The following LITAF variants were observed in gnomAD, a reference collection of about 807,000 sequenced individuals.
LITAF encodes lipopolysaccharide induced TNF factor.
Under a neutral mutation model 14.5 loss-of-function variants are expected in LITAF, and 9 were observed. The ratio of observed to expected loss-of-function variants is 0.62; its 90% CI spans 0.37 to 1.08. The LOEUF is 1.08. LITAF is among the 50% of genes least tolerant of loss of function. LITAF has a pLI of 0.01. For synonymous variants in LITAF, 98 were observed against 88.2 expected (o/e 1.11, Z -0.62); for missense variants, 206 against 213.4 (o/e 0.97, Z 0.22).
At chr16:11,568,513 G>A (rs896369510) in intron 1 of LITAF, among the ~76,000 whole-genome samples, 7 of 151,984 alleles carry the variant, frequency 4.6e-5, no homozygotes. Context: ...TTCTTCATGG[G>A]TATCAAGCAG....
At chr16:11,612,267 G>A (rs2064986899) in intron 3 of LITAF, among the ~76,000 whole-genome samples, 1 of 152,156 alleles carries the variant, frequency 6.6e-6, no homozygotes, top group South Asian at 2.1e-4. Flanking sequence ...GTCAGACCAG[G>A]TCATTTCCCA....
At chr16:11,561,141 C>T (rs1343278040) in intron 1 of LITAF, 2 of 152,236 alleles carry the variant, frequency 1.3e-5, no homozygotes, top group African/African-American at 2.4e-5. Context: ...CGTATAAAAA[C>T]TTACAAGACC....
At chr16:11,595,990 G>T (rs1450637291) in intron 1 of LITAF, among the ~76,000 whole-genome samples, 1 of 152,084 alleles carries the variant, frequency 6.6e-6, no homozygotes, top group Non-Finnish European at 1.5e-5. Context: ...CTCTGGCCAG[G>T]ACAGGATATC....
intron 1 of LITAF, among the ~76,000 whole-genome samples, chr16:11,561,820 A>AC (rs1249495193): frequency 6.5e-5 from 5 of 76,754 alleles, no homozygotes; most frequent in African/African-American, 1.2e-4. Flanking sequence ...CCTCCTTATC[A>AC]CCCCCCCAAC....
intron 3 of LITAF, among the ~76,000 whole-genome samples, chr16:11,616,895 G>A (rs965345180): frequency 1.4e-5 from 2 of 138,414 alleles, no homozygotes; most frequent in Non-Finnish European, 1.5e-5. Flanking sequence ...CTGGGAAAGA[G>A]AGCAAGACTC....
At chr16:11,598,948 T>C (rs2064910927), upstream of LITAF, among the ~76,000 whole-genome samples, 1 of 145,378 alleles carries the variant, frequency 6.9e-6, no homozygotes, top group Non-Finnish European at 1.5e-5. Flanking sequence ...GCCTCTCAAG[T>C]AGCTGGGATT....
At chr16:11,598,339 C>G (rs141327831) in intron 1 of LITAF, 9 of 150,084 alleles carry the variant, frequency 6.0e-5, no homozygotes, top group African/African-American at 2.2e-4. Flanking sequence ...CACTCTTCTA[C>G]TCGGCTTGCA....
At chr16:11,578,426 G>C (rs1461599359) in intron 1 of LITAF, among the ~76,000 whole-genome samples, 1 of 152,140 alleles carries the variant, frequency 6.6e-6, no homozygotes, top group Non-Finnish European at 1.5e-5. Context: ...AGCTACTCAG[G>C]AGGCTGAGGC....
chr16:11,558,462 C>G lies in LITAF; in HGVS notation c.-5-1727G>C, dbSNP rs562053207. ...GTGGCTCATGCCTGTAATCCCAGTACTTTGGGAGGTTGAGGCAGGAGGATC... is the reference window on the plus strand; with the variant it reads ...GTGGCTCATGCCTGTAATCCCAGTAGTTTGGGAGGTTGAGGCAGGAGGATC... On this transcript the variant is annotated intron_variant, in intron 1 of 3. Coordinates refer to ENST00000622633, the MANE Select transcript of LITAF (RefSeq NM_001136472.2). This position sits in a 1 kb window ranked among gnomAD's most constrained non-coding sequence, Gnocchi z 4.1. Among the ~76,000 whole-genome samples, 1 of 152,270 alleles carries G rather than the reference C, an allele frequency of 6.6e-6. No individual in the cohort carries two copies. The highest frequency in any genetic ancestry group is 2.1e-4 in the South Asian group (1 of 4,824).
At chr16:11,603,827 A>G (rs772559810) in intron 3 of LITAF, among the ~76,000 whole-genome samples, 6 of 145,622 alleles carry the variant, frequency 4.1e-5, no homozygotes, top group Non-Finnish European at 9.0e-5. Context: ...GGCGGATCAC[A>G]AGGTCGGGAG....
Position 11,586,415 on chromosome 16 carries a change from G to A in LITAF, c.-6+471C>T, listed in dbSNP as rs2064808404. On this transcript the variant is annotated intron_variant, in intron 1 of 3. Transcript: ENST00000622633. The surrounding 1 kb of genome is among the most constrained non-coding windows in gnomAD (Gnocchi z 6.5). ...CTAGAAGTCAAATGTTTGGCAAATA[G>A]CATTTGGGAATTCGTTGGGGTTTTT... The A allele has an allele frequency of 6.6e-6, 1 of 152,242 alleles. No individual in the cohort carries two copies. Among genetic ancestry groups the A allele is most frequent in the Non-Finnish European group, 1.5e-5 (1 of 68,036 alleles). 9.4% of individuals were successfully genotyped at this position (152,242 alleles called of 1,614,324 possible).
chr16:11,593,969 G>A (rs1166508778), intron 1 of LITAF, among the ~76,000 whole-genome samples: 1 of 152,062 alleles, frequency 6.6e-6, no homozygotes, highest in African/African-American at 2.4e-5. Context: ...TTGAGGTCGG[G>A]AGTTTGAGAC....
intron 1 of LITAF, among the ~76,000 whole-genome samples, chr16:11,576,554 A>AAAAAAAAAAAAAAAAAAAAAAAAAGAC (rs1555469756): frequency 1.5e-4 from 17 of 116,656 alleles, no homozygotes; most frequent in African/African-American, 5.0e-4. Context: ...AAAAAAAAAA[A>AAAAAAAAAAAAAAAAAAAAAAAAAGAC]AGAGAGAGAG....
chr16:11,570,244 T>C (rs2064521117), intron 1 of LITAF, among the ~76,000 whole-genome samples: 1 of 152,260 alleles, frequency 6.6e-6, no homozygotes, highest in South Asian at 2.1e-4. Context: ...TGTGAGAATG[T>C]AGTGAGCAAA....
chr16:11,584,528 C>T (rs983925222), intron 1 of LITAF, among the ~76,000 whole-genome samples: 1 of 152,190 alleles, frequency 6.6e-6, no homozygotes, highest in African/African-American at 2.4e-5. Context: ...CTTCAACCAC[C>T]TGGGCTTGTC....
chr16:11,566,466 T>G (rs760826569), intron 1 of LITAF, among the ~76,000 whole-genome samples: 9 of 152,092 alleles, frequency 5.9e-5, no homozygotes, highest in African/African-American at 1.9e-4. Context: ...TGGAAAGGCA[T>G]GAAGATTTGG....
upstream of LITAF, among the ~76,000 whole-genome samples, chr16:11,638,956 T>C (rs2065153904): frequency 6.6e-6 from 1 of 152,068 alleles, no homozygotes; most frequent in Admixed American, 6.6e-5. Flanking sequence ...TAACAAATTG[T>C]TCAAGGAAAT....
chr16:11,575,287 A>G (rs893630513), intron 1 of LITAF: 1 of 152,134 alleles, frequency 6.6e-6, no homozygotes, highest in African/African-American at 2.4e-5. Flanking sequence ...GAGACTGGGT[A>G]TAGTTTCTTT....
At chr16:11,609,780 T>C (rs905165549) in intron 3 of LITAF, among the ~76,000 whole-genome samples, 8 of 151,998 alleles carry the variant, frequency 5.3e-5, no homozygotes, top group African/African-American at 1.9e-4. Flanking sequence ...CACTTCTCCC[T>C]CACACTCCAG....
Sources: gnomAD v4.1 joint callset for allele counts (sites outside exome capture counted in the v4.1 genomes callset) on GRCh38, gnomAD v4.1.1 for gene constraint, Gnocchi (gnomAD v3.1) non-coding constraint, MANE v1.5 for transcripts, NCBI Gene and HGNC (gene_info 2026-07-23, HGNC 2026-07-21) for gene names.